Variants in ATXN10 observed in about 807,000 individuals in gnomAD.
ATXN10 encodes ataxin 10.
A neutral mutation model predicts 52.9 loss-of-function variants in ATXN10; 28 were observed. The ratio of observed to expected loss-of-function variants is 0.53; its 90% CI spans 0.39 to 0.73. The LOEUF (loss-of-function observed/expected upper bound fraction) is 0.73, where lower values mean the gene tolerates loss of function less well. ATXN10 is among the 30% of genes least tolerant of loss of function. ATXN10 has a pLI of 0.00. For missense variants in ATXN10, 565 were observed against 577.0 expected (o/e 0.98, Z 0.21); for synonymous variants, 226 against 221.5 (o/e 1.02, Z -0.18).
At chr22:45,695,695 C>T (rs982602048) in intron 3 of ATXN10, among the ~76,000 whole-genome samples, 1 of 151,928 alleles carries the variant, frequency 6.6e-6, no homozygotes, top group Admixed American at 6.5e-5. Context: ...TGGGGTTTCA[C>T]CTTGGCCAGG....
At position 45,769,115 on chromosome 22, in the gene ATXN10, A is replaced by G. The variant is rs1293851215; in HGVS notation, c.1173+28577A>G. On this transcript the variant is annotated intron_variant, in intron 9 of 11. Coordinates refer to ENST00000252934, the MANE Select transcript of ATXN10 (RefSeq NM_013236.4). This position sits in a 1 kb window ranked among gnomAD's most constrained non-coding sequence, Gnocchi z 4.2. ...ATGTATTATACCTCCCTCTCTCTGTACTTTGTGGTGTGTTTGGAAATTTTC... is the reference window on the plus strand; with the variant it reads ...ATGTATTATACCTCCCTCTCTCTGTGCTTTGTGGTGTGTTTGGAAATTTTC... 6.6e-6 allele frequency among the ~76,000 whole-genome samples: 1 copy of G among 151,892 alleles called. No homozygotes were observed. The highest frequency in any genetic ancestry group is 1.9e-4 in the East Asian group (1 of 5,182).
Position 45,681,527 on chromosome 22 carries a change from A to G in ATXN10, c.117-8185A>G, listed in dbSNP as rs193302516. 3.9e-5 allele frequency among the ~76,000 whole-genome samples: 6 copies of G among 152,246 alleles called. No individual in the cohort carries two copies. Among genetic ancestry groups the G allele is most frequent in the Admixed American group, 2.6e-4 (4 of 15,294 alleles). On this transcript the variant is annotated intron_variant, in intron 1 of 11. Transcript: ENST00000252934. This position sits in a 1 kb window ranked among gnomAD's most constrained non-coding sequence, Gnocchi z 4.2. ...TTGATCTGGCTTAGATCCATGGATGAGTAATAAGAGCATTTTTTAATGTAC... is the reference window on the plus strand; with the variant it reads ...TTGATCTGGCTTAGATCCATGGATGGGTAATAAGAGCATTTTTTAATGTAC...
intron 9 of ATXN10, among the ~76,000 whole-genome samples, chr22:45,804,465 T>C (rs1221124413): frequency 6.6e-6 from 1 of 152,142 alleles, no homozygotes; most frequent in Non-Finnish European, 1.5e-5. Context: ...AAAATAAGGA[T>C]CGTTAATAGA....
At chr22:45,743,183 C>T (rs1569045707) in intron 9 of ATXN10, among the ~76,000 whole-genome samples, 1 of 152,212 alleles carries the variant, frequency 6.6e-6, no homozygotes, top group Non-Finnish European at 1.5e-5. Context: ...GATTTCTCAG[C>T]AAACAGTTTA....
In ATXN10 at chr22:45,789,664, C is replaced by G. The variant is rs1490056778; in HGVS notation, c.1174-17295C>G. On this transcript the variant is annotated intron_variant, in intron 9 of 11. Coordinates refer to ENST00000252934, the MANE Select transcript of ATXN10 (RefSeq NM_013236.4). The surrounding 1 kb of genome is among the most constrained non-coding windows in gnomAD (Gnocchi z 4.0). ...AGGGAGAGCCTTCTAACCCATCCAG[C>G]CCCTTTGTGGTGGTGGTGGTGGTGC... Among the ~76,000 whole-genome samples, 1 of 152,180 alleles carries G rather than the reference C, an allele frequency of 6.6e-6. No homozygotes were observed. The highest frequency in any genetic ancestry group is 1.5e-5 in the Non-Finnish European group (1 of 68,032).
Position 45,715,378 on chromosome 22 carries a change from C to T in ATXN10, c.648-3035C>T, listed in dbSNP as rs1264110921. 6.6e-6 allele frequency among the ~76,000 whole-genome samples: 1 copy of T among 152,184 alleles called. No individual in the cohort carries two copies. The highest frequency in any genetic ancestry group is 2.4e-5 in the African/African-American group (1 of 41,442). On this transcript the variant is annotated intron_variant, in intron 5 of 11. Coordinates refer to ENST00000252934, the MANE Select transcript of ATXN10 (RefSeq NM_013236.4). This position sits in a 1 kb window ranked among gnomAD's most constrained non-coding sequence, Gnocchi z 4.4. ...ATGGGCAGGACTCATAGACAAATAT[C>T]AGTATAGACTGATGTTTTATACATT... is the stretch of plus-strand genomic sequence containing the variant.
At chr22:45,726,217 G>A (rs987711388) in intron 6 of ATXN10, among the ~76,000 whole-genome samples, 1 of 152,068 alleles carries the variant, frequency 6.6e-6, no homozygotes, top group South Asian at 2.1e-4. Context: ...TCAACCTTTT[G>A]GAATAGTTTC....
At position 45,790,796 on chromosome 22, in the gene ATXN10, T is replaced by C. The variant is rs950567996; in HGVS notation, c.1174-16163T>C. Among the ~76,000 whole-genome samples, 1 of 152,230 alleles carries C rather than the reference T, an allele frequency of 6.6e-6. No homozygotes were observed. Among genetic ancestry groups the C allele is most frequent in the Non-Finnish European group, 1.5e-5 (1 of 68,036 alleles). On this transcript the variant is annotated intron_variant, in intron 9 of 11. Transcript: ENST00000252934. The surrounding 1 kb of genome is among the most constrained non-coding windows in gnomAD (Gnocchi z 4.7). ...AACACAGTGCGTTTTCATTCCTCTTTATATCTTTTTATCCTGACCTTCTAG... is the reference window on the plus strand; with the variant it reads ...AACACAGTGCGTTTTCATTCCTCTTCATATCTTTTTATCCTGACCTTCTAG...
At chr22:45,735,620 T>G (rs949477285) in intron 7 of ATXN10, among the ~76,000 whole-genome samples, 1 of 152,164 alleles carries the variant, frequency 6.6e-6, no homozygotes, top group Non-Finnish European at 1.5e-5. Flanking sequence ...CAGGCAGATA[T>G]AACTAATTTG....
Position 45,738,723 on chromosome 22 carries a change from C to T in ATXN10, c.895-8C>T, listed in dbSNP as rs773162404. On this transcript the variant is annotated splice_polypyrimidine_tract_variant and splice_region_variant and intron_variant, in intron 7 of 11. Transcript: ENST00000252934. ...ATGCTAAAAAGTTATGTTTTCTTTT[C>T]TTTCTAGGAGGCACTGGCTACAATT... 1.7e-5 allele frequency: 28 copies of T among 1,609,554 alleles called. 1 individual carries two copies. The South Asian group carries it at 2.7e-4, about 16-fold the overall frequency.
chr22:45,812,731 C>A (rs902713066), intron 10 of ATXN10, among the ~76,000 whole-genome samples: 1 of 152,222 alleles, frequency 6.6e-6, no homozygotes, highest in Non-Finnish European at 1.5e-5. Flanking sequence ...CACCACCACT[C>A]TTCTCTGAGC....
intron 10 of ATXN10, among the ~76,000 whole-genome samples, chr22:45,832,936 C>CTA (rs1929040478): frequency 6.6e-6 from 1 of 152,134 alleles, no homozygotes; most frequent in Non-Finnish European, 1.5e-5. Context: ...TTTAAATAGT[C>CTA]TAAAGTGTTA....
intron 1 of ATXN10, among the ~76,000 whole-genome samples, chr22:45,685,054 A>G (rs908266255): frequency 6.6e-6 from 1 of 151,172 alleles, no homozygotes; most frequent in African/African-American, 2.4e-5. Context: ...TTTAACAAGT[A>G]TGAAGGTCTT....
At chr22:45,748,316 T>C (rs1396280981) in intron 9 of ATXN10, among the ~76,000 whole-genome samples, 1 of 152,226 alleles carries the variant, frequency 6.6e-6, no homozygotes, top group Admixed American at 6.5e-5. Context: ...CCATTATATG[T>C]ATTTACATAG....
chr22:45,829,285 G>T (rs932276203), intron 10 of ATXN10, among the ~76,000 whole-genome samples: 56 of 152,106 alleles, frequency 3.7e-4, no homozygotes, highest in Non-Finnish European at 2.5e-4. Flanking sequence ...ATAACTCCAC[G>T]ATGAAAGACT....
rs995193511 is a variant in ATXN10 at position 45,732,895 on chromosome 22, A to G, written c.894+3305A>G. Reference sequence around the variant, plus strand: ...GATATTCAGTAAAGTTCTCAATGCTATGACTGAAAAGTGAGAATGGAAACA... The same window carrying G: ...GATATTCAGTAAAGTTCTCAATGCTGTGACTGAAAAGTGAGAATGGAAACA... On this transcript the variant is annotated intron_variant, in intron 7 of 11. Coordinates refer to ENST00000252934, the MANE Select transcript of ATXN10 (RefSeq NM_013236.4). This position sits in a 1 kb window ranked among gnomAD's most constrained non-coding sequence, Gnocchi z 4.5. Among the ~76,000 whole-genome samples, 1 of 152,242 alleles carries G rather than the reference A, an allele frequency of 6.6e-6. No individual in the cohort carries two copies. The highest frequency in any genetic ancestry group is 2.4e-5 in the African/African-American group (1 of 41,466).
rs1422182001 is a variant in ATXN10 at position 45,701,686 on chromosome 22, G to C, written c.489-1003G>C. The stretch of plus-strand genomic sequence containing the variant: ...GTTTTGGGATAGATGATTAGAATGT[G>C]GTGGTAACTTATATATTCGTTATTC... On this transcript the variant is annotated intron_variant, in intron 4 of 11. Coordinates refer to ENST00000252934, the MANE Select transcript of ATXN10 (RefSeq NM_013236.4). This position sits in a 1 kb window ranked among gnomAD's most constrained non-coding sequence, Gnocchi z 4.2. 6.6e-6 allele frequency among the ~76,000 whole-genome samples: 1 copy of C among 152,248 alleles called. No individual in the cohort carries two copies. Among genetic ancestry groups the C allele is most frequent in the East Asian group, 1.9e-4 (1 of 5,184 alleles).
chr22:45,777,239 A>C (rs1926991246), intron 9 of ATXN10, among the ~76,000 whole-genome samples: 1 of 152,226 alleles, frequency 6.6e-6, no homozygotes, highest in Admixed American at 6.5e-5. Flanking sequence ...TCCAGTTAGC[A>C]TAAAGTGCTG....
chr22:45,793,552 A>G lies in ATXN10; in HGVS notation c.1174-13407A>G, dbSNP rs16994541. On this transcript the variant is annotated intron_variant, in intron 9 of 11. Transcript: ENST00000252934. ...ACAAATAATTCTGTCAAGCTCTTCA[A>G]TCTTTCTGTGACAAATGACTAGAAT... The G allele has an allele frequency of 5.5e-4, 694 of 1,271,786 alleles. 8 individuals carry two copies. In the East Asian group the frequency reaches 0.015, roughly 27 times the overall value. The allele number at this position is 1,271,786 out of a possible 1,614,324, so 78.8% of individuals were successfully genotyped here. A position where few individuals can be genotyped will look rare whatever the true frequency, so the allele number is the denominator to read the frequency against.
Sources: allele counts gnomAD v4.1 joint callset (sites outside exome capture counted in the v4.1 genomes callset), GRCh38; gene constraint gnomAD v4.1.1; non-coding constraint Gnocchi (gnomAD v3.1); transcripts MANE v1.5; gene names NCBI Gene and HGNC (gene_info 2026-07-23, HGNC 2026-07-21).